The following CACNA2D3 variants were observed in gnomAD, a reference collection of about 807,000 sequenced individuals.
The protein encoded by CACNA2D3 is calcium voltage-gated channel auxiliary subunit alpha2delta 3, also known as voltage-dependent calcium channel subunit alpha-2/delta-3.
In CACNA2D3, 60 loss-of-function variants were observed where a neutral mutation model predicts 160.6. The observed-to-expected ratio is 0.37, with a 90% CI of 0.30 to 0.46. The LOEUF is 0.46. Ranked by LOEUF, CACNA2D3 falls within the 20% of genes least tolerant of loss-of-function variation. The pLI is 1.00. For missense variants in CACNA2D3, 1,205 were observed against 1,365.0 expected (o/e 0.88, Z 1.85); for synonymous variants, 558 against 492.9 (o/e 1.13, Z -1.75).
chr3:54,330,868 GGTCTGGGGATA>G (rs1704233002), intron 3 of CACNA2D3, among the ~76,000 whole-genome samples: 1 of 152,228 alleles, frequency 6.6e-6, no homozygotes, highest in Admixed American at 6.5e-5. Flanking sequence ...CTGTGGCCAT[GGTCTGGGGATA>G]GTGCATCAGC....
intron 29 of CACNA2D3, among the ~76,000 whole-genome samples, chr3:54,978,956 C>T (rs1053735474): frequency 4.6e-5 from 7 of 152,168 alleles, no homozygotes; most frequent in Non-Finnish European, 1.0e-4. Flanking sequence ...GACTAATTTG[C>T]TTTATTATAC....
At chr3:54,477,493 CTCATTGACACA>C (rs1405276309) in intron 4 of CACNA2D3, among the ~76,000 whole-genome samples, 1 of 152,164 alleles carries the variant, frequency 6.6e-6, no homozygotes, top group Non-Finnish European at 1.5e-5. Context: ...CCAGCACCCA[CTCATTGACACA>C]AACCAGAAAT....
intron 11 of CACNA2D3, 106 bp from the exon 12 acceptor site, chr3:54,752,493 A>G: frequency 1.4e-6 from 1 of 716,826 alleles, no homozygotes; most frequent in South Asian, 1.6e-5. Flanking sequence ...GATGGGAAGC[A>G]TGGAGCATTA....
At chr3:54,667,274 A>G (rs899868690) in intron 11 of CACNA2D3, among the ~76,000 whole-genome samples, 2 of 152,148 alleles carry the variant, frequency 1.3e-5, no homozygotes, top group African/African-American at 2.4e-5. Context: ...TCAGGATTAG[A>G]AGAAAACAAA....
intron 4 of CACNA2D3, among the ~76,000 whole-genome samples, chr3:54,445,855 G>A (rs1193722151): frequency 5.3e-5 from 8 of 152,184 alleles, no homozygotes; most frequent in Admixed American, 5.2e-4. Flanking sequence ...TAGGAGGGTA[G>A]ATGTTTATAA....
At chr3:54,627,672 G>T in intron 9 of CACNA2D3, 115 bp from the exon 10 acceptor site, 1 of 699,134 alleles carries the variant, frequency 1.4e-6, no homozygotes, top group South Asian at 1.6e-5. Flanking sequence ...AGTAAATTAT[G>T]ACCGGTTGGA....
At chr3:54,430,121 C>T (rs945069314) in intron 4 of CACNA2D3, among the ~76,000 whole-genome samples, 15 of 152,194 alleles carry the variant, frequency 9.9e-5, no homozygotes, top group Admixed American at 6.5e-4. Context: ...TATGTCCTTG[C>T]TGCGCAACTA....
chr3:54,907,762 C>T (rs553488962), intron 27 of CACNA2D3, among the ~76,000 whole-genome samples: 2 of 152,260 alleles, frequency 1.3e-5, no homozygotes, highest in South Asian at 4.1e-4. Flanking sequence ...TAGGAAACCA[C>T]TCGTGTGCTT....
chr3:54,759,491 A>G (rs572655713), intron 12 of CACNA2D3, among the ~76,000 whole-genome samples: 1 of 152,276 alleles, frequency 6.6e-6, no homozygotes, highest in East Asian at 1.9e-4. Flanking sequence ...AAAAAAAAAA[A>G]AAAGGCTCAG....
chr3:54,233,569 A>G (rs1444964898), intron 2 of CACNA2D3, among the ~76,000 whole-genome samples: 1 of 152,336 alleles, frequency 6.6e-6, no homozygotes, highest in East Asian at 1.9e-4. Context: ...ATGACATAGC[A>G]CTGGTGAAGT....
rs1288499789 is a variant in CACNA2D3, at chr3:54,422,817, T to TGTG, written c.381+36043_381+36044insGTG. Among the ~76,000 whole-genome samples the TGTG allele has an allele frequency of 1.3e-4, 20 of 152,294 alleles. No individual in the cohort carries two copies. The East Asian group carries it at 3.9e-3, about 29-fold the overall frequency. ...GAACCAGCAACTCCACGCCTTGCAA[T>TGTG]CTGCCTACAGAAACACTAACTAACA... On this transcript the variant is annotated intron_variant, in intron 4 of 37. Coordinates refer to ENST00000474759, the MANE Select transcript of CACNA2D3 (RefSeq NM_018398.3).
chr3:54,869,809 C>T (rs1699485265), intron 17 of CACNA2D3, among the ~76,000 whole-genome samples: 1 of 152,230 alleles, frequency 6.6e-6, no homozygotes, highest in Non-Finnish European at 1.5e-5. Flanking sequence ...CCCAAGACTG[C>T]ATCTCACAAG....
intron 13 of CACNA2D3, among the ~76,000 whole-genome samples, chr3:54,782,084 C>A (rs1702548278): frequency 6.6e-6 from 1 of 152,166 alleles, no homozygotes; most frequent in African/African-American, 2.4e-5. Context: ...CTTCTAATAT[C>A]CATTGTGGTA....
At chr3:55,020,001 A>G (rs1703412333) in intron 35 of CACNA2D3, among the ~76,000 whole-genome samples, 1 of 152,130 alleles carries the variant, frequency 6.6e-6, no homozygotes, top group Non-Finnish European at 1.5e-5. Context: ...TAATTGCTGT[A>G]GATTTTTGGT....
Position 54,704,884 on chromosome 3 carries a change from AC to A in CACNA2D3, c.1168-47709del, listed in dbSNP as rs562306646. Reference sequence around the variant, plus strand: ...CCTTGACCCAAAAAGGAGATTCTCTACCCCCCACCCCCATTTCTACAGGGAA... The same window carrying A: ...CCTTGACCCAAAAAGGAGATTCTCTACCCCCACCCCCATTTCTACAGGGAA... On this transcript the variant is annotated intron_variant, in intron 11 of 37. Transcript: ENST00000474759. Among the ~76,000 whole-genome samples, 339 of 151,620 alleles carry A rather than the reference AC, an allele frequency of 2.2e-3. 1 individual carries two copies. The highest frequency in any genetic ancestry group is 7.9e-3 in the African/African-American group (325 of 41,306).
intron 3 of CACNA2D3, among the ~76,000 whole-genome samples, chr3:54,353,581 G>A (rs555260569): frequency 7.2e-5 from 11 of 152,022 alleles, no homozygotes; most frequent in Admixed American, 2.0e-4. Context: ...CATTCCCACC[G>A]CGCCCCCTCC....
At chr3:54,421,265 T>C (rs1367774652) in intron 4 of CACNA2D3, among the ~76,000 whole-genome samples, 1 of 152,150 alleles carries the variant, frequency 6.6e-6, no homozygotes, top group Non-Finnish European at 1.5e-5. Flanking sequence ...GTGAATATCT[T>C]TGTTTGTTTA....
chr3:54,290,126 A>C (rs910880131), intron 2 of CACNA2D3, among the ~76,000 whole-genome samples: 3 of 152,118 alleles, frequency 2.0e-5, no homozygotes, highest in African/African-American at 7.2e-5. Context: ...CAGGCAACCT[A>C]CAAAATGGGA....
chr3:54,764,196 G>GC (rs1702175697), intron 12 of CACNA2D3, 22 bp from the exon 13 acceptor site: 1 of 1,612,862 alleles, frequency 6.2e-7, no homozygotes, highest in Non-Finnish European at 8.5e-7. Flanking sequence ...ACTAAACTTG[G>GC]CCCTCCCTTG....
Sources: allele counts gnomAD v4.1 joint callset (sites outside exome capture counted in the v4.1 genomes callset), GRCh38; gene constraint gnomAD v4.1.1; transcripts MANE v1.5; gene names NCBI Gene and HGNC (gene_info 2026-07-23, HGNC 2026-07-21).